SULT1C3: variants seen among roughly 807,000 people sequenced by gnomAD.
SULT1C3 encodes the protein sulfotransferase 1C3.
In SULT1C3, 31 loss-of-function variants were observed where a neutral mutation model predicts 28.4. The observed-to-expected ratio is 1.09, with a 90% CI of 0.82 to 1.47. The LOEUF (loss-of-function observed/expected upper bound fraction) is 1.47. Ranked by LOEUF, SULT1C3 falls within the 40% of genes most tolerant of loss-of-function variation. SULT1C3 has a pLI of 0.00. For synonymous variants in SULT1C3, 106 were observed against 92.2 expected, an observed-to-expected ratio of 1.15 and a Z score of -0.86; for missense variants, 307 against 272.5, an observed-to-expected ratio of 1.13 and a Z score of -0.89.
At chr2:108,263,119 T>G (rs192587890), downstream of SULT1C3, among the ~76,000 whole-genome samples, 12 of 152,314 alleles carry the variant, frequency 7.9e-5, no homozygotes, top group East Asian at 2.3e-3. Flanking sequence ...TTATCTTGTC[T>G]CCTGTTAAAC....
downstream of SULT1C3, among the ~76,000 whole-genome samples, chr2:108,262,318 A>C (rs1425434465): frequency 6.6e-6 from 1 of 152,176 alleles, no homozygotes; most frequent in African/African-American, 2.4e-5. Context: ...GGCAGATTAA[A>C]GGAAAAGCAA....
intron 1 of SULT1C3, among the ~76,000 whole-genome samples, chr2:108,242,937 C>T (rs548031073): frequency 6.6e-6 from 1 of 152,250 alleles, no homozygotes; most frequent in Admixed American, 6.5e-5. Flanking sequence ...TTTAAATATA[C>T]CTATAACTTG....
intron 1 of SULT1C3, 123 bp from the exon 2 acceptor site, chr2:108,247,065 A>T (rs1675599683): frequency 1.6e-6 from 1 of 637,570 alleles, no homozygotes. Context: ...TTAGCATGTT[A>T]TATGTTAGCT....
intron 7 of SULT1C3, among the ~76,000 whole-genome samples, chr2:108,260,108 T>C (rs1675984416): frequency 6.6e-6 from 1 of 152,138 alleles, no homozygotes; most frequent in African/African-American, 2.4e-5. Context: ...ATCCCTAGTA[T>C]CCAAATGTCA....
downstream of SULT1C3, among the ~76,000 whole-genome samples, chr2:108,264,253 A>G (rs1676082418): frequency 6.6e-6 from 1 of 152,206 alleles, no homozygotes; most frequent in Admixed American, 6.5e-5. Flanking sequence ...TCAGAAATTT[A>G]ATCAAAAGCT....
intron 1 of SULT1C3, among the ~76,000 whole-genome samples, chr2:108,240,992 A>G (rs919393721): frequency 6.6e-6 from 1 of 152,202 alleles, no homozygotes; most frequent in African/African-American, 2.4e-5. Context: ...TTTAAAGCCG[A>G]GCCCAGCCAT....
At chr2:108,261,748 C>T (rs1676031586), downstream of SULT1C3, among the ~76,000 whole-genome samples, 1 of 152,086 alleles carries the variant, frequency 6.6e-6, no homozygotes, top group Non-Finnish European at 1.5e-5. Flanking sequence ...ACATAGCTCC[C>T]AGTACACAGA....
At chr2:108,250,954 T>C (rs1285500931) in intron 2 of SULT1C3, among the ~76,000 whole-genome samples, 3 of 152,068 alleles carry the variant, frequency 2.0e-5, no homozygotes, top group Non-Finnish European at 2.9e-5. Context: ...CTCTTATCTA[T>C]GGTAATGGCT....
chr2:108,248,639 A>G (rs561257075), intron 2 of SULT1C3, among the ~76,000 whole-genome samples: 7 of 152,250 alleles, frequency 4.6e-5, no homozygotes, highest in African/African-American at 1.7e-4. Flanking sequence ...CTATAGCTCC[A>G]TGAGATCAGG....
intron 1 of SULT1C3, among the ~76,000 whole-genome samples, chr2:108,245,365 G>T (rs1675553685): frequency 6.6e-6 from 1 of 152,304 alleles, no homozygotes; most frequent in Admixed American, 6.5e-5. Flanking sequence ...CCCTTTAAGG[G>T]AGGGAGCATG....
intron 1 of SULT1C3, among the ~76,000 whole-genome samples, chr2:108,245,064 C>T (rs770507262): frequency 5.9e-5 from 9 of 152,266 alleles, no homozygotes; most frequent in Non-Finnish European, 8.8e-5. Flanking sequence ...TCCTTCCTTT[C>T]GGTATTGTGA....
At chr2:108,253,292 T>C in intron 3 of SULT1C3, 53 bp from the exon 4 acceptor site, 2 of 1,148,204 alleles carry the variant, frequency 1.7e-6, no homozygotes, top group Non-Finnish European at 2.4e-6. Context: ...GGAATTCAAG[T>C]ATTTTGGCAG....
chr2:108,261,933 T>A (rs1428215083), downstream of SULT1C3, among the ~76,000 whole-genome samples: 2 of 152,102 alleles, frequency 1.3e-5, no homozygotes, highest in African/African-American at 4.8e-5. Flanking sequence ...AGAGAGCAGC[T>A]GGTCCCTAAG....
Position 108,251,508 on chromosome 2 carries a change from T to A in SULT1C3, c.173-857T>A, listed in dbSNP as rs1675724274. On this transcript the variant is annotated intron_variant, in intron 2 of 7. Transcript: ENST00000681802. ...GAGGCAATCAGACGTATGTACTTCT[T>A]GGCATGGTGCAAGAAGTACCAAGCA... 2.6e-5 allele frequency among the ~76,000 whole-genome samples: 4 copies of A among 152,150 alleles called. No individual in the cohort carries two copies. In the South Asian group the frequency reaches 8.3e-4, roughly 32 times the overall value.
chr2:108,255,780 A>G (rs1675853710), intron 5 of SULT1C3, 82 bp downstream of exon 5: 2 of 1,497,340 alleles, frequency 1.3e-6, no homozygotes, highest in Admixed American at 2.0e-5. Flanking sequence ...GGAGAAAGTT[A>G]CAAAAGGCCA....
In SULT1C3 at chr2:108,253,522, TA is replaced by T. The variant is rs1176647517; in HGVS notation, c.399+81del. On this transcript the variant is annotated intron_variant, in intron 4 of 7. Transcript: ENST00000681802. ...ACTGAAGATATCTTTCAAAATAATA[TA>T]CTTTGAAAAATATTTTCCAAAATAT... The T allele has an allele frequency of 1.6e-5, 11 of 707,752 alleles. No homozygotes were observed. The African/African-American group carries it at 2.1e-4, about 13-fold the overall frequency. 43.8% of individuals were successfully genotyped at this position (707,752 alleles called of 1,614,324 possible).
downstream of SULT1C3, chr2:108,264,694 C>G: frequency 1.1e-6 from 1 of 936,188 alleles, no homozygotes; most frequent in Non-Finnish European, 1.6e-6. Flanking sequence ...CTAGGAGTCA[C>G]TTGAGAAATA....
At position 108,253,314 on chromosome 2, in the gene SULT1C3, TAAAC is replaced by T. The variant is rs767663057; in HGVS notation, c.302-27_302-24del. On this transcript the variant is annotated intron_variant, in intron 3 of 7. Coordinates refer to ENST00000681802, the MANE Select transcript of SULT1C3 (RefSeq NM_001320878.2). The stretch of plus-strand genomic sequence containing the variant: ...AAGTATTTTGGCAGAGTGCCAAGAA[TAAAC>T]AAAGAATATAAATTGTTTCTTGCTA... 3.5e-6 allele frequency: 5 copies of T among 1,417,676 alleles called. No homozygotes were observed. In the East Asian group the frequency reaches 1.2e-4, roughly 33 times the overall value. The allele number at this position is 1,417,676 out of a possible 1,614,324, so 87.8% of individuals were successfully genotyped here.
At chr2:108,240,108 C>T (rs1675428358) in intron 1 of SULT1C3, among the ~76,000 whole-genome samples, 25 bp downstream of exon 1, 1 of 152,204 alleles carries the variant, frequency 6.6e-6, no homozygotes, top group Non-Finnish European at 1.5e-5. Flanking sequence ...CTTAGAGACT[C>T]TCATCCTAGT....
Sources: gnomAD v4.1 joint callset for allele counts (sites outside exome capture counted in the v4.1 genomes callset) on GRCh38, gnomAD v4.1.1 for gene constraint, MANE v1.5 for transcripts, NCBI Gene and HGNC (gene_info 2026-07-23, HGNC 2026-07-21) for gene names.